The following WWOX variants were observed in gnomAD, a reference collection of about 807,000 sequenced individuals.
WWOX encodes WW domain-containing oxidoreductase.
WWOX carries 69 observed loss-of-function variants against 46.2 expected under a neutral mutation model. That is an observed-to-expected ratio of 1.49 (90% CI 1.23 to 1.82). WWOX has a LOEUF of 1.82. WWOX is among the 40% of genes most tolerant of loss of function. The pLI is 0.00. For missense variants in WWOX, 919 were observed against 542.6 expected, an observed-to-expected ratio of 1.69 and a Z score of -6.89; for synonymous variants, 359 against 202.6, an observed-to-expected ratio of 1.77 and a Z score of -6.56.
chr16:78,473,535 T>C (rs1278336815), intron 8 of WWOX, among the ~76,000 whole-genome samples: 1 of 148,304 alleles, frequency 6.7e-6, no homozygotes, highest in Non-Finnish European at 1.5e-5. Context: ...AGACAAAGTT[T>C]GCCAACACCC....
At chr16:78,678,450 A>G (rs1428487635) in intron 8 of WWOX, among the ~76,000 whole-genome samples, 1 of 152,160 alleles carries the variant, frequency 6.6e-6, no homozygotes, top group African/African-American at 2.4e-5. Context: ...CTTTATAGAA[A>G]CTCAATTCAA....
chr16:79,029,429 A>G (rs939373493), intron 8 of WWOX, among the ~76,000 whole-genome samples: 1 of 152,240 alleles, frequency 6.6e-6, no homozygotes, highest in Admixed American at 6.5e-5. Context: ...TGTGTGCACC[A>G]GTAAAGGGTT....
At chr16:78,334,787 C>T (rs1009981235) in intron 5 of WWOX, among the ~76,000 whole-genome samples, 1 of 145,798 alleles carries the variant, frequency 6.9e-6, no homozygotes, top group African/African-American at 2.6e-5. Flanking sequence ...GGGAAAGTCT[C>T]CCCTCCACAC....
intron 8 of WWOX, among the ~76,000 whole-genome samples, chr16:79,040,623 C>T (rs2047952824): frequency 6.6e-6 from 1 of 152,094 alleles, no homozygotes; most frequent in African/African-American, 2.4e-5. Context: ...TCAGGAAAAT[C>T]ATGACTGTAA....
At chr16:78,707,433 G>A (rs1454037551) in intron 8 of WWOX, among the ~76,000 whole-genome samples, 4 of 152,158 alleles carry the variant, frequency 2.6e-5, no homozygotes, top group African/African-American at 9.7e-5. Context: ...AGCATCAGAG[G>A]TTCTGGACAT....
At chr16:78,195,331 C>T (rs1291625333) in intron 5 of WWOX, among the ~76,000 whole-genome samples, 1 of 152,188 alleles carries the variant, frequency 6.6e-6, no homozygotes, top group African/African-American at 2.4e-5. Flanking sequence ...CCATGAACTT[C>T]TTGAGGGAGG....
chr16:78,588,034 T>C (rs2045260184), intron 8 of WWOX, among the ~76,000 whole-genome samples: 1 of 152,204 alleles, frequency 6.6e-6, no homozygotes, highest in Admixed American at 6.5e-5. Context: ...AGTTCAGCAT[T>C]ATGAAGCTGT....
intron 8 of WWOX, among the ~76,000 whole-genome samples, chr16:78,863,984 T>C (rs1443657469): frequency 2.0e-5 from 3 of 152,198 alleles, no homozygotes; most frequent in Non-Finnish European, 2.9e-5. Flanking sequence ...CAAATATTTT[T>C]CTCCTTTCAT....
At chr16:78,566,068 C>G (rs1024953679) in intron 8 of WWOX, among the ~76,000 whole-genome samples, 2 of 152,186 alleles carry the variant, frequency 1.3e-5, no homozygotes, top group African/African-American at 4.8e-5. Flanking sequence ...TGGGCACATT[C>G]TGTGCCTGCC....
chr16:78,531,250 CAGTG>C (rs1367698943), intron 8 of WWOX, among the ~76,000 whole-genome samples: 3 of 152,150 alleles, frequency 2.0e-5, no homozygotes, highest in Admixed American at 6.5e-5. Context: ...TCTTGAGGGA[CAGTG>C]AGAGCGAGGA....
intron 8 of WWOX, among the ~76,000 whole-genome samples, chr16:79,095,130 C>T (rs1247324044): frequency 1.3e-5 from 2 of 152,176 alleles, no homozygotes; most frequent in Admixed American, 6.6e-5. Flanking sequence ...TAAAAGGCTT[C>T]CCAATGCCTT....
intron 8 of WWOX, among the ~76,000 whole-genome samples, chr16:79,130,571 A>C (rs960442449): frequency 2.0e-5 from 3 of 152,182 alleles, no homozygotes; most frequent in African/African-American, 4.8e-5. Context: ...GTAATCTTAC[A>C]TTGCTCAGAA....
At chr16:78,405,853 C>T (rs2082517186) in intron 6 of WWOX, among the ~76,000 whole-genome samples, 1 of 152,152 alleles carries the variant, frequency 6.6e-6, no homozygotes, top group Admixed American at 6.5e-5. Context: ...CTGAGGGCCA[C>T]ACACATAATG....
intron 8 of WWOX, among the ~76,000 whole-genome samples, chr16:78,582,023 A>G (rs1446633924): frequency 6.6e-6 from 1 of 152,198 alleles, no homozygotes; most frequent in African/African-American, 2.4e-5. Context: ...TCGTTTGTAG[A>G]CAAGGCAAAG....
chr16:78,960,816 A>T (rs1038226223), intron 8 of WWOX, among the ~76,000 whole-genome samples: 10 of 152,228 alleles, frequency 6.6e-5, no homozygotes, highest in Admixed American at 4.6e-4. Context: ...TTAAACTAGC[A>T]TCCTGTTTTA....
chr16:78,199,845 T>C (rs2151773882), intron 5 of WWOX, among the ~76,000 whole-genome samples: 2 of 152,320 alleles, frequency 1.3e-5, no homozygotes, highest in South Asian at 4.1e-4. Flanking sequence ...TCTGTAGATT[T>C]CACTGTCAAT....
At chr16:78,278,657 C>A in intron 5 of WWOX, 1 of 1,608,878 alleles carries the variant, frequency 6.2e-7, no homozygotes, top group Non-Finnish European at 8.5e-7. Flanking sequence ...TTTCCACTAG[C>A]AAAAGAAGGA....
At chr16:78,885,657 A>T (rs1468690922) in intron 8 of WWOX, among the ~76,000 whole-genome samples, 2 of 152,178 alleles carry the variant, frequency 1.3e-5, no homozygotes, top group Non-Finnish European at 2.9e-5. Context: ...TAGACTGGAG[A>T]ATTTATGTAA....
chr16:79,133,130 T>G (rs953192340), intron 8 of WWOX, among the ~76,000 whole-genome samples: 34 of 152,242 alleles, frequency 2.2e-4, no homozygotes, highest in African/African-American at 7.7e-4. Context: ...CCTGCTAATT[T>G]AGCATGGTGT....
Sources: gnomAD v4.1 joint callset for allele counts (sites outside exome capture counted in the v4.1 genomes callset) on GRCh38, gnomAD v4.1.1 for gene constraint, MANE v1.5 for transcripts, NCBI Gene and HGNC (gene_info 2026-07-23, HGNC 2026-07-21) for gene names.